The following ZNF541 variants were observed in gnomAD, a reference collection of about 807,000 sequenced individuals.
The protein encoded by ZNF541 is zinc finger protein 541.
A neutral mutation model predicts 123.5 loss-of-function variants in ZNF541; 23 were observed. That is an observed-to-expected ratio of 0.19 (90% CI 0.13 to 0.26). ZNF541 has a LOEUF of 0.26. ZNF541 is among the 10% of genes least tolerant of loss of function. ZNF541 has a pLI of 1.00. For missense variants in ZNF541, 1,612 were observed against 1,789.9 expected (o/e 0.90, Z 1.79); for synonymous variants, 751 against 754.5 (o/e 1.00, Z 0.08).
chr19:47,521,798 G>A lies in ZNF541; in HGVS notation c.3711+56C>T, dbSNP rs993281969. On this transcript the variant is annotated intron_variant, in intron 15 of 16. Coordinates refer to ENST00000391901, the MANE Select transcript of ZNF541 (RefSeq NM_001277075.3). This position sits in a 1 kb window ranked among gnomAD's most constrained non-coding sequence, Gnocchi z 4.2. ...CTCTGACCCCACCGTCCAACTCAAC[G>A]GGTAGCAGGCACTGGGAGGAGAGAA... 1.2e-5 allele frequency: 19 copies of A among 1,537,762 alleles called. No individual in the cohort carries two copies. The highest frequency in any genetic ancestry group is 9.7e-5 in the African/African-American group (7 of 72,480).
At chr19:47,541,882 T>C (rs1054533339) in intron 5 of ZNF541, among the ~76,000 whole-genome samples, 74 of 152,316 alleles carry the variant, frequency 4.9e-4, no homozygotes, top group South Asian at 1.4e-3. Context: ...GACCTGGCGA[T>C]TCTACTCCTA....
intron 2 of ZNF541, among the ~76,000 whole-genome samples, chr19:47,571,287 T>C (rs1971469098): frequency 6.6e-6 from 1 of 152,144 alleles, no homozygotes; most frequent in Non-Finnish European, 1.5e-5. Flanking sequence ...TAATTTTTTG[T>C]ATTTTTAGTA....
chr19:47,521,901 T>C lies in ZNF541; in HGVS notation c.3664A>G (p.Lys1222Glu), dbSNP rs1284125989. Reference sequence around the variant, plus strand: ...TCCTCCGGCTCTCTCTTGACCCTCTTTTCTAGCCCTGGGGCTCGGCCACAG... The same window carrying C: ...TCCTCCGGCTCTCTCTTGACCCTCTCTTCTAGCCCTGGGGCTCGGCCACAG... ...FDCGRAPGLEKRVKREPEEVE... is the reference protein window; with the variant it reads ...FDCGRAPGLEERVKREPEEVE... Residue 1222 changes from lysine (K) to glutamate (E), a missense_variant, in exon 15 of 17, where the codon AAG (lysine) becomes GAG (glutamate). Physicochemically the swap from Lys to Glu is moderately conservative, Grantham distance 56. Coordinates refer to ENST00000391901, the MANE Select transcript of ZNF541 (RefSeq NM_001277075.3). The surrounding 1 kb of genome is among the most constrained non-coding windows in gnomAD (Gnocchi z 4.2). 13 of 1,551,760 alleles carry C rather than the reference T, an allele frequency of 8.4e-6. No homozygotes were observed. The highest frequency in any genetic ancestry group is 1.4e-5 in the African/African-American group (1 of 73,042).
intron 2 of ZNF541, among the ~76,000 whole-genome samples, chr19:47,562,912 G>A (rs1331003693): frequency 6.6e-6 from 1 of 152,124 alleles, no homozygotes; most frequent in African/African-American, 2.4e-5. Flanking sequence ...CCATTTGGGG[G>A]CTATTGTGAA....
chr19:47,552,730 G>C (rs1451335168), intron 3 of ZNF541, among the ~76,000 whole-genome samples: 1 of 85,094 alleles, frequency 1.2e-5, no homozygotes, highest in Non-Finnish European at 2.0e-5. Context: ...GCGATAGAGC[G>C]AGACTCCATC....
intron 14 of ZNF541, among the ~76,000 whole-genome samples, chr19:47,523,868 C>T (rs1331142960): frequency 6.6e-6 from 1 of 152,120 alleles, no homozygotes; most frequent in Non-Finnish European, 1.5e-5. Flanking sequence ...ACAGAACATT[C>T]CAGAGATGGG....
intron 14 of ZNF541, among the ~76,000 whole-genome samples, chr19:47,526,984 T>A (rs1969328929): frequency 6.6e-6 from 1 of 152,232 alleles, no homozygotes; most frequent in South Asian, 2.1e-4. Context: ...CCCAGTGGAA[T>A]ACTATTCAGC....
chr19:47,529,523 G>A (rs1468067867), intron 13 of ZNF541, 54 bp downstream of exon 13: 15 of 1,530,144 alleles, frequency 9.8e-6, no homozygotes, highest in East Asian at 7.4e-5. Context: ...AGAGCTGGCC[G>A]ATTCATAGGG....
rs1971535136 is a variant in ZNF541 at position 47,573,133 on chromosome 19, C to G, written c.-296G>C. Among the ~76,000 whole-genome samples, 18 of 149,708 alleles carry G rather than the reference C, an allele frequency of 1.2e-4. No homozygotes were observed. In the South Asian group the frequency reaches 3.7e-3, roughly 31 times the overall value. On this transcript the variant is annotated 5_prime_UTR_variant, in exon 1 of 17. Coordinates refer to ENST00000391901, the MANE Select transcript of ZNF541 (RefSeq NM_001277075.3). ...GCCTCGCGCCTGGCGCCTCGCGGGG[C>G]TCCCAGCGGCCTCCCGCCTTCCCCG...
chr19:47,550,154 A>G (rs1342100757), intron 3 of ZNF541, among the ~76,000 whole-genome samples: 1 of 152,046 alleles, frequency 6.6e-6, no homozygotes, highest in Non-Finnish European at 1.5e-5. Context: ...TGGGAGGCTG[A>G]GGCACGAGAA....
At chr19:47,560,766 A>G (rs1165796634) in intron 2 of ZNF541, among the ~76,000 whole-genome samples, 3 of 152,020 alleles carry the variant, frequency 2.0e-5, no homozygotes, top group Non-Finnish European at 2.9e-5. Flanking sequence ...CTGCACACAC[A>G]TGTTTATAGC....
intron 9 of ZNF541, among the ~76,000 whole-genome samples, chr19:47,534,911 A>C (rs1969746406): frequency 6.6e-6 from 1 of 152,166 alleles, no homozygotes; most frequent in Admixed American, 6.5e-5. Context: ...TACCTCATGT[A>C]ATATATAAAA....
rs567345337 is a variant in ZNF541, at chr19:47,544,584, C to G, written c.1945G>C (p.Gly649Arg). The part of the protein sequence containing the change: ...SPGSTRRDAK[G>R]GLKVAAVPTP... Reference sequence around the variant, plus strand: ...GGAACCGCGGCCACTTTCAGTCCCCCCTTTGCGTCTCGTCTCGTGCTGCCG... The same window carrying G: ...GGAACCGCGGCCACTTTCAGTCCCCGCTTTGCGTCTCGTCTCGTGCTGCCG... The change falls in exon 5 of 17, where the codon GGG (glycine) becomes CGG (arginine). Residue 649 changes from glycine to arginine, a missense_variant. Transcript: ENST00000391901. 74 of 1,551,428 alleles carry G rather than the reference C, an allele frequency of 4.8e-5. 1 individual carries two copies. Among genetic ancestry groups the G allele is most frequent in the East Asian group, 7.3e-5 (3 of 40,924 alleles).
At chr19:47,528,100 AG>A (rs1393008156) in intron 14 of ZNF541, among the ~76,000 whole-genome samples, 2 of 129,182 alleles carry the variant, frequency 1.5e-5, no homozygotes, top group Non-Finnish European at 3.2e-5. Context: ...GGATCACCTG[AG>A]GTCGGGGGTT....
intron 3 of ZNF541, among the ~76,000 whole-genome samples, chr19:47,553,087 G>A (rs1970674346): frequency 6.6e-6 from 1 of 151,774 alleles, no homozygotes; most frequent in South Asian, 2.1e-4. Flanking sequence ...CTAACCTGGT[G>A]ACAGAGAAAG....
chr19:47,568,921 C>T (rs562103865), intron 2 of ZNF541, among the ~76,000 whole-genome samples: 108 of 152,282 alleles, frequency 7.1e-4, no homozygotes, highest in Admixed American at 4.3e-3. Flanking sequence ...CCACCCACCT[C>T]GGCCTCTCAA....
In ZNF541 at chr19:47,521,033, C is replaced by T. The variant is rs1369419081; in HGVS notation, c.*191G>A. 1.6e-6 allele frequency: 1 copy of T among 641,944 alleles called. No homozygotes were observed. The highest frequency in any genetic ancestry group is 2.6e-6 in the Non-Finnish European group (1 of 377,512). The allele number at this position is 641,944 out of a possible 1,614,324, so 39.8% of individuals were successfully genotyped here. On this transcript the variant is annotated 3_prime_UTR_variant, in exon 17 of 17. Coordinates refer to ENST00000391901, the MANE Select transcript of ZNF541 (RefSeq NM_001277075.3). The surrounding 1 kb of genome is among the most constrained non-coding windows in gnomAD (Gnocchi z 4.2). ...AGCCTCCAGCACCACCGGACAGGGA[C>T]TGCATAGCTGTCCGACAACTGAGCT...
chr19:47,549,478 C>T lies in ZNF541; in HGVS notation c.315G>A (p.Gly105=), dbSNP rs1385123914. The change falls in exon 4 of 17, where the codon GGG becomes GGA. Residue 105 remains glycine (G), a synonymous_variant. Transcript: ENST00000391901. Reference sequence around the variant, plus strand: ...CCTCTTTAGCCTTAAGCACACCTAGCCCCAGGTCTAAACAGAGGGAGAAAG... The same window carrying T: ...CCTCTTTAGCCTTAAGCACACCTAGTCCCAGGTCTAAACAGAGGGAGAAAG... ...SESQASLQDL[G]LGVLKAKEAD... is the part of the protein sequence containing the mutation. The T allele has an allele frequency of 6.4e-7, 1 of 1,551,804 alleles. No individual in the cohort carries two copies. The highest frequency in any genetic ancestry group is 2.0e-5 in the Admixed American group (1 of 50,966).
intron 9 of ZNF541, among the ~76,000 whole-genome samples, chr19:47,534,539 T>C (rs1457734404): frequency 6.6e-6 from 1 of 151,928 alleles, no homozygotes; most frequent in Non-Finnish European, 1.5e-5. Flanking sequence ...TAATCCCAGC[T>C]ACTCGGGAGG....
Sources: allele counts gnomAD v4.1 joint callset (sites outside exome capture counted in the v4.1 genomes callset), GRCh38; gene constraint gnomAD v4.1.1; non-coding constraint Gnocchi (gnomAD v3.1); transcripts MANE v1.5; gene names NCBI Gene and HGNC (gene_info 2026-07-23, HGNC 2026-07-21).